The following FASTKD2 variants were observed in gnomAD, a reference collection of about 807,000 sequenced individuals.
The protein encoded by FASTKD2 is FAST kinase domain-containing protein 2, mitochondrial.
In FASTKD2, 51 loss-of-function variants were observed where a neutral mutation model predicts 63.6. The observed-to-expected ratio is 0.80, with a 90% CI of 0.64 to 1.01. FASTKD2 has a LOEUF of 1.01. FASTKD2 is among the 50% of genes least tolerant of loss of function. The probability of loss-of-function intolerance (pLI) is 0.00; values close to 1 mark genes in which losing one functional copy is unlikely to be tolerated. For synonymous variants in FASTKD2, 284 were observed against 293.4 expected (o/e 0.97, Z 0.33); for missense variants, 786 against 831.1 (o/e 0.95, Z 0.67).
Position 206,791,729 on chromosome 2 carries a change from C to G in FASTKD2, c.2060C>G (p.Thr687Arg), listed in dbSNP as rs1284138034. The G allele has an allele frequency of 6.2e-7, 1 of 1,611,852 alleles. No homozygotes were observed. The highest frequency in any genetic ancestry group is 8.5e-7 in the Non-Finnish European group (1 of 1,178,278). The change falls in exon 12 of 12, where the codon ACA becomes AGA. Residue 687 changes from threonine to arginine, a missense_variant. Thr to Arg is a moderately conservative substitution (Grantham distance 71). Transcript: ENST00000402774. ...AAACTAGAGATGGAAGATGCAGTCA[C>G]ATTTTTGAAGACTAAAATCTATTCA... ...MDKLEMEDAVTFLKTKIYSVE... is the reference protein window; with the variant it reads ...MDKLEMEDAVRFLKTKIYSVE...
At chr2:206,786,532 T>C in intron 7 of FASTKD2, 3 of 570,600 alleles carry the variant, frequency 5.3e-6, no homozygotes, top group African/African-American at 3.8e-5. Context: ...TTAAAGTCTA[T>C]AAAATGTTTG....
At chr2:206,789,570 A>G (rs1690228353) in intron 10 of FASTKD2, 1 of 151,966 alleles carries the variant, frequency 6.6e-6, no homozygotes, top group Non-Finnish European at 1.5e-5. Context: ...AGGAACTTGT[A>G]TCTTCTGTTA....
intron 10 of FASTKD2, chr2:206,789,464 C>G (rs1484461148): frequency 9.1e-5 from 14 of 153,484 alleles, no homozygotes; most frequent in Admixed American, 9.1e-4. Flanking sequence ...AACATCCTGC[C>G]TCTTCAGTAG....
At chr2:206,786,538 G>A in intron 7 of FASTKD2, 195 bp from the exon 8 acceptor site, 1 of 581,894 alleles carries the variant, frequency 1.7e-6, no homozygotes, top group Admixed American at 2.7e-5. Flanking sequence ...TCTATAAAAT[G>A]TTTGTCTCGT....
chr2:206,767,636 T>TTAAC (rs1689561837), intron 2 of FASTKD2, among the ~76,000 whole-genome samples, 166 bp downstream of exon 2: 1 of 123,634 alleles, frequency 8.1e-6, no homozygotes, highest in South Asian at 3.1e-4. Flanking sequence ...AGGCCTTAAG[T>TTAAC]TAGCTATTTT....
chr2:206,786,939 A>AAAT, intron 8 of FASTKD2, 40 bp downstream of exon 8: 1 of 730,148 alleles, frequency 1.4e-6, no homozygotes, highest in Non-Finnish European at 2.3e-6. Context: ...ATTGTGACCA[A>AAAT]TTCTGCACTA....
intron 11 of FASTKD2, 156 bp downstream of exon 11, chr2:206,790,842 A>T: frequency 1.5e-6 from 1 of 652,600 alleles, no homozygotes; most frequent in African/African-American, 1.8e-5. Context: ...GAAAAAGAAC[A>T]TTGCTAGTAC....
Position 206,766,650 on chromosome 2 carries a change from G to T in FASTKD2, c.-44G>T. The T allele has an allele frequency of 2.0e-6, 3 of 1,536,558 alleles. No homozygotes were observed. In the South Asian group the frequency reaches 3.4e-5, roughly 17 times the overall value. On this transcript the variant is annotated 5_prime_UTR_variant, in exon 2 of 12. Coordinates refer to ENST00000402774, the MANE Select transcript of FASTKD2 (RefSeq NM_001136193.2). ...ATTACTTCTTCCCCTACAGGAAAAC[G>T]ACAGCACGTGTTCTTTTTCACTAGT... is the stretch of plus-strand genomic sequence containing the variant.
Position 206,794,484 on chromosome 2 carries a change from TC to T in FASTKD2, c.*2684del, listed in dbSNP as rs1233763078. Among the ~76,000 whole-genome samples, 3 of 152,204 alleles carry T rather than the reference TC, an allele frequency of 2.0e-5. No individual in the cohort carries two copies. The highest frequency in any genetic ancestry group is 1.5e-5 in the Non-Finnish European group (1 of 68,044). On this transcript the variant is annotated 3_prime_UTR_variant, in exon 12 of 12. Transcript: ENST00000402774. ...TCAAACTCCTGGGCTCAAGGGATCCTCCTGCCTCAGCTTCTCAAGTAGATAG... is the reference window on the plus strand; with the variant it reads ...TCAAACTCCTGGGCTCAAGGGATCCTCTGCCTCAGCTTCTCAAGTAGATAG...
At chr2:206,771,429 G>A in intron 4 of FASTKD2, 139 bp downstream of exon 4, 1 of 668,364 alleles carries the variant, frequency 1.5e-6, no homozygotes, top group South Asian at 1.7e-5. Flanking sequence ...ATGAATAGAA[G>A]TACCCTTATA....
At chr2:206,774,782 G>A (rs1689778553) in intron 7 of FASTKD2, among the ~76,000 whole-genome samples, 1 of 151,960 alleles carries the variant, frequency 6.6e-6, no homozygotes, top group Non-Finnish European at 1.5e-5. Context: ...ATTTTAAAGT[G>A]TGCAGTACAA....
chr2:206,786,624 G>T, intron 7 of FASTKD2, 109 bp from the exon 8 acceptor site: 1 of 911,498 alleles, frequency 1.1e-6, no homozygotes. Flanking sequence ...CCAGAATGAT[G>T]TGTGGATACT....
intron 11 of FASTKD2, 78 bp downstream of exon 11, chr2:206,790,764 G>A (rs878946429): frequency 2.3e-6 from 2 of 866,136 alleles, no homozygotes; most frequent in Admixed American, 1.7e-5. Context: ...TTGTGGTTGA[G>A]ACTGGTTACT....
intron 8 of FASTKD2, among the ~76,000 whole-genome samples, chr2:206,787,369 T>G (rs1559366056): frequency 6.6e-6 from 1 of 152,194 alleles, no homozygotes; most frequent in Non-Finnish European, 1.5e-5. Context: ...TCATTTACTC[T>G]TGGAACCAAA....
rs779266866 is a variant in FASTKD2, at chr2:206,771,344, A to C, written c.990+54A>C. 7.9e-5 allele frequency: 82 copies of C among 1,034,096 alleles called. No individual in the cohort carries two copies. In the African/African-American group the frequency reaches 1.0e-3, roughly 13 times the overall value. The allele number at this position is 1,034,096 out of a possible 1,614,324, so 64.1% of individuals were successfully genotyped here. A position where few individuals can be genotyped will look rare whatever the true frequency, so the allele number is the denominator to read the frequency against. ...GAGATTTGAAAAAATCTTTCTTATA[A>C]CCTGCTATCACTGCCTGAAGTCAAT... is the stretch of plus-strand genomic sequence containing the variant. On this transcript the variant is annotated intron_variant, in intron 4 of 11. Transcript: ENST00000402774.
intron 3 of FASTKD2, among the ~76,000 whole-genome samples, chr2:206,770,489 A>T (rs914056534): frequency 1.3e-5 from 2 of 152,168 alleles, no homozygotes; most frequent in Non-Finnish European, 2.9e-5. Context: ...CATGCCTGTA[A>T]TCCCAGCACT....
At chr2:206,778,697 G>A (rs1409542620) in intron 7 of FASTKD2, among the ~76,000 whole-genome samples, 1 of 150,698 alleles carries the variant, frequency 6.6e-6, no homozygotes, top group Admixed American at 6.6e-5. Context: ...CCCAGGCCAC[G>A]GACTGGTACC....
chr2:206,773,316 CAAAAAAAAAA>C (rs869141094), intron 6 of FASTKD2, among the ~76,000 whole-genome samples: 2 of 68,140 alleles, frequency 2.9e-5, no homozygotes, highest in East Asian at 5.1e-4. Context: ...AACTCTGTCT[CAAAAAAAAAA>C]AAAAAAAAAA....
chr2:206,778,673 A>C (rs909820804), intron 7 of FASTKD2, among the ~76,000 whole-genome samples: 2 of 151,864 alleles, frequency 1.3e-5, no homozygotes, highest in African/African-American at 4.8e-5. Flanking sequence ...CATCTGTAGC[A>C]GGGGACCCCA....
Sources: gnomAD v4.1 joint callset for allele counts (sites outside exome capture counted in the v4.1 genomes callset) on GRCh38, gnomAD v4.1.1 for gene constraint, MANE v1.5 for transcripts, NCBI Gene and HGNC (gene_info 2026-07-23, HGNC 2026-07-21) for gene names.